Variants in ASAP1 observed in about 807,000 individuals in gnomAD.
The protein encoded by ASAP1 is ArfGAP with SH3 domain, ankyrin repeat and PH domain 1.
In ASAP1, 43 loss-of-function variants were observed where a neutral mutation model predicts 145.2. The ratio of observed to expected loss-of-function variants is 0.30; its 90% CI spans 0.23 to 0.38. ASAP1 has a LOEUF of 0.38. Among genes scored for constraint, ASAP1 ranks in the 10% least tolerant of loss-of-function variants. The pLI is 1.00. For synonymous variants in ASAP1, 546 were observed against 515.5 expected (o/e 1.06, Z -0.80); for missense variants, 1,018 against 1,355.3 (o/e 0.75, Z 3.91).
intron 24 of ASAP1, among the ~76,000 whole-genome samples, chr8:130,092,836 G>A (rs996010025): frequency 6.6e-6 from 1 of 151,392 alleles, no homozygotes. Flanking sequence ...TACAGGCTAA[G>A]CCTTCACTGG....
At chr8:130,214,145 T>G (rs1227291288) in intron 5 of ASAP1, among the ~76,000 whole-genome samples, 1 of 152,206 alleles carries the variant, frequency 6.6e-6, no homozygotes, top group African/African-American at 2.4e-5. Flanking sequence ...TATAATACTT[T>G]CAATGTGTAT....
At chr8:130,156,895 A>G (rs1304065572) in intron 12 of ASAP1, among the ~76,000 whole-genome samples, 3 of 152,376 alleles carry the variant, frequency 2.0e-5, no homozygotes, top group Non-Finnish European at 1.5e-5. Flanking sequence ...TTCCTTGGAT[A>G]TACAGATTTT....
At chr8:130,330,011 GGA>G (rs1302807246) in intron 3 of ASAP1, among the ~76,000 whole-genome samples, 1 of 152,170 alleles carries the variant, frequency 6.6e-6, no homozygotes, top group African/African-American at 2.4e-5. Flanking sequence ...CAGCTTTCAG[GGA>G]GAGACAGTTG....
chr8:130,152,325 G>C (rs2097648256), intron 13 of ASAP1, among the ~76,000 whole-genome samples: 1 of 152,086 alleles, frequency 6.6e-6, no homozygotes, highest in African/African-American at 2.4e-5. Context: ...TTTTCTGTTG[G>C]TTTAAAAAGG....
chr8:130,392,284 G>A (rs879454589), intron 2 of ASAP1, among the ~76,000 whole-genome samples: 1 of 152,220 alleles, frequency 6.6e-6, no homozygotes, highest in Admixed American at 6.5e-5. Flanking sequence ...GACTATCAGA[G>A]TGCTTGATAC....
chr8:130,426,253 G>A (rs1027667247), intron 1 of ASAP1, among the ~76,000 whole-genome samples: 2 of 151,726 alleles, frequency 1.3e-5, no homozygotes, highest in Non-Finnish European at 2.9e-5. Flanking sequence ...CTTCCCCTTC[G>A]CCTTCTACCA....
Position 130,394,089 on chromosome 8 carries a change from A to T in ASAP1, c.59+7796T>A, listed in dbSNP as rs1277529111. On this transcript the variant is annotated intron_variant, in intron 2 of 29. Coordinates refer to ENST00000518721, the MANE Select transcript of ASAP1 (RefSeq NM_018482.4). Reference sequence around the variant, plus strand: ...ATTGTTTGTAGAGCATGTGTGTTTGAACAATATGAAATCTGGGCACCTTGA... The same window carrying T: ...ATTGTTTGTAGAGCATGTGTGTTTGTACAATATGAAATCTGGGCACCTTGA... Among the ~76,000 whole-genome samples, 5 of 152,218 alleles carry T rather than the reference A, an allele frequency of 3.3e-5. No individual in the cohort carries two copies. The East Asian group carries it at 9.6e-4, about 29-fold the overall frequency.
At chr8:130,143,056 C>T (rs2097616364) in intron 13 of ASAP1, among the ~76,000 whole-genome samples, 1 of 152,184 alleles carries the variant, frequency 6.6e-6, no homozygotes, top group South Asian at 2.1e-4. Flanking sequence ...CACAAGTAAT[C>T]ATTACCTACT....
chr8:130,115,862 C>A, intron 22 of ASAP1, 127 bp from the exon 23 acceptor site: 1 of 696,910 alleles, frequency 1.4e-6, no homozygotes, highest in South Asian at 1.8e-5. Flanking sequence ...GTACTATAGG[C>A]AACACTCTGC....
intron 24 of ASAP1, among the ~76,000 whole-genome samples, chr8:130,104,185 C>T (rs1333843744): frequency 6.6e-6 from 1 of 152,188 alleles, no homozygotes; most frequent in Non-Finnish European, 1.5e-5. Context: ...CAAAGACTTT[C>T]CTCCCCATCT....
intron 4 of ASAP1, among the ~76,000 whole-genome samples, chr8:130,231,405 A>G (rs775021443): frequency 8.5e-5 from 13 of 152,138 alleles, no homozygotes; most frequent in Non-Finnish European, 1.6e-4. Flanking sequence ...TTTCCTGCCC[A>G]GAAATATTAA....
intron 4 of ASAP1, among the ~76,000 whole-genome samples, chr8:130,220,463 A>G (rs1451145453): frequency 1.3e-5 from 2 of 152,186 alleles, no homozygotes; most frequent in Non-Finnish European, 2.9e-5. Flanking sequence ...ACTCATAAAT[A>G]AGGAAATTTA....
intron 3 of ASAP1, among the ~76,000 whole-genome samples, chr8:130,334,592 G>A (rs563048908): frequency 5.3e-5 from 8 of 152,282 alleles, no homozygotes; most frequent in African/African-American, 1.9e-4. Flanking sequence ...CTTGCTTCTA[G>A]CTGTAGCATG....
At chr8:130,109,615 A>C (rs1314312113) in intron 24 of ASAP1, among the ~76,000 whole-genome samples, 1 of 152,138 alleles carries the variant, frequency 6.6e-6, no homozygotes, top group Non-Finnish European at 1.5e-5. Context: ...CCTTGTTTTC[A>C]TGCAAATGGT....
chr8:130,290,047 C>G (rs989488871), intron 3 of ASAP1, among the ~76,000 whole-genome samples: 6 of 152,166 alleles, frequency 3.9e-5, no homozygotes, highest in Admixed American at 3.9e-4. Context: ...TGGTACTCGA[C>G]AGTTGGCAAC....
At chr8:130,223,421 C>T (rs1002214396) in intron 4 of ASAP1, among the ~76,000 whole-genome samples, 1 of 152,178 alleles carries the variant, frequency 6.6e-6, no homozygotes, top group Non-Finnish European at 1.5e-5. Context: ...TCTAAAAATA[C>T]CTTTACTTCT....
chr8:130,232,294 C>T (rs559061120), intron 4 of ASAP1, among the ~76,000 whole-genome samples: 1 of 152,264 alleles, frequency 6.6e-6, no homozygotes, highest in Admixed American at 6.5e-5. Flanking sequence ...AAATTAAAAC[C>T]TCCACAGTGC....
chr8:130,213,242 G>T (rs1174214873), intron 5 of ASAP1, among the ~76,000 whole-genome samples: 2 of 152,148 alleles, frequency 1.3e-5, no homozygotes, highest in African/African-American at 4.8e-5. Flanking sequence ...ATAATTCTAT[G>T]TTCGATATTT....
chr8:130,313,656 G>T (rs1346872673), intron 3 of ASAP1, among the ~76,000 whole-genome samples: 4 of 152,046 alleles, frequency 2.6e-5, no homozygotes, highest in Admixed American at 6.6e-5. Context: ...TTCAGCTACA[G>T]AAAATAAAAA....
Sources: allele counts gnomAD v4.1 joint callset (sites outside exome capture counted in the v4.1 genomes callset), GRCh38; gene constraint gnomAD v4.1.1; transcripts MANE v1.5; gene names NCBI Gene and HGNC (gene_info 2026-07-23, HGNC 2026-07-21).